Variants in SNX13 observed in about 807,000 individuals in gnomAD.
The protein encoded by SNX13 is sorting nexin 13, also known as sorting nexin-13.
A neutral mutation model predicts 133.6 loss-of-function variants in SNX13; 45 were observed. The ratio of observed to expected loss-of-function variants is 0.34; its 90% confidence interval spans 0.27 to 0.43. The LOEUF is 0.43. Among genes scored for constraint, SNX13 ranks in the 20% least tolerant of loss-of-function variants. SNX13 has a pLI of 1.00. For missense variants in SNX13, 1,032 were observed against 1,145.1 expected, an observed-to-expected ratio of 0.90 and a Z score of 1.43; for synonymous variants, 414 against 373.9, an observed-to-expected ratio of 1.11 and a Z score of -1.24.
At chr7:17,879,974 T>C (rs940581364) in intron 5 of SNX13, 18 of 152,210 alleles carry the variant, frequency 1.2e-4, no homozygotes, top group African/African-American at 3.9e-4. Context: ...GGATGGAGTG[T>C]ATAAAAAACT....
intron 20 of SNX13, among the ~76,000 whole-genome samples, chr7:17,804,071 C>T (rs1048797078): frequency 6.6e-5 from 10 of 151,802 alleles, no homozygotes; most frequent in Non-Finnish European, 1.3e-4. Context: ...TCACAAAAAA[C>T]AAAAGTATTT....
At chr7:17,827,325 C>A (rs1029327776) in intron 16 of SNX13, among the ~76,000 whole-genome samples, 2 of 151,876 alleles carry the variant, frequency 1.3e-5, no homozygotes, top group African/African-American at 4.8e-5. Context: ...TCACACATTT[C>A]ACATATTCAT....
In SNX13 at chr7:17,868,172, ATAG is replaced by A. The variant is rs1793629380; in HGVS notation, c.837+232_837+234del. ...TAAAATATTCTATTTTTTTAAAGAA[ATAG>A]TAGTAGCACCATAACCGCAAGGAAG... is the stretch of plus-strand genomic sequence containing the variant. On this transcript the variant is annotated intron_variant, in intron 9 of 25. Transcript: ENST00000428135. The A allele has an allele frequency of 1.4e-5, 6 of 419,080 alleles. No homozygotes were observed. The South Asian group carries it at 1.9e-4, about 13-fold the overall frequency. The allele number at this position is 419,080 out of a possible 1,614,324, so 26.0% of individuals were successfully genotyped here.
intron 9 of SNX13, among the ~76,000 whole-genome samples, chr7:17,865,985 C>T (rs933143240): frequency 1.3e-5 from 2 of 152,036 alleles, no homozygotes; most frequent in Non-Finnish European, 2.9e-5. Flanking sequence ...ATAGAAAAAC[C>T]AATTTAAAAT....
intron 7 of SNX13, 57 bp downstream of exon 7, chr7:17,875,423 C>T: frequency 7.0e-7 from 1 of 1,422,858 alleles, no homozygotes; most frequent in Non-Finnish European, 9.7e-7. Context: ...TTCACTGGTT[C>T]TGCTAACTTG....
intron 17 of SNX13, among the ~76,000 whole-genome samples, chr7:17,822,808 A>G (rs1016490333): frequency 3.3e-5 from 5 of 152,200 alleles, no homozygotes; most frequent in African/African-American, 1.2e-4. Context: ...GTTCAGAAAT[A>G]ATTTTAATAC....
chr7:17,846,973 A>C (rs567491459), intron 11 of SNX13, among the ~76,000 whole-genome samples: 1 of 151,854 alleles, frequency 6.6e-6, no homozygotes, highest in East Asian at 1.9e-4. Flanking sequence ...ACACTGTATG[A>C]TCTGAGCTCA....
chr7:17,843,601 C>A (rs1191308685), intron 12 of SNX13, among the ~76,000 whole-genome samples: 3 of 151,980 alleles, frequency 2.0e-5, no homozygotes, highest in African/African-American at 4.8e-5. Context: ...GAACACTTCC[C>A]AACAACAGCA....
intron 20 of SNX13, among the ~76,000 whole-genome samples, chr7:17,811,182 T>C (rs537980251): frequency 3.3e-5 from 5 of 152,280 alleles, no homozygotes; most frequent in Admixed American, 1.3e-4. Context: ...AAAGAAAAGA[T>C]ATTCAAATAG....
At chr7:17,885,437 C>A (rs1303787356) in intron 5 of SNX13, among the ~76,000 whole-genome samples, 1 of 152,134 alleles carries the variant, frequency 6.6e-6, no homozygotes, top group Non-Finnish European at 1.5e-5. Flanking sequence ...CTGTACAATG[C>A]TTAACTAAAG....
rs1421720329 is a variant in SNX13 at position 17,794,041 on chromosome 7, A to G, written c.*4T>C. 1.2e-6 allele frequency: 2 copies of G among 1,610,410 alleles called. No homozygotes were observed. The highest frequency in any genetic ancestry group is 1.7e-6 in the Non-Finnish European group (2 of 1,177,730). Reference sequence around the variant, plus strand: ...AATGAACACCAGCTTCATAGAGTGGAGTGTCACCTTTTCTGCAAAGAAGGC... The same window carrying G: ...AATGAACACCAGCTTCATAGAGTGGGGTGTCACCTTTTCTGCAAAGAAGGC... On this transcript the variant is annotated 3_prime_UTR_variant, in exon 26 of 26. Coordinates refer to ENST00000428135, the MANE Select transcript of SNX13 (RefSeq NM_015132.5).
Position 17,845,559 on chromosome 7 carries a change from A to G in SNX13, c.1165+36T>C, listed in dbSNP as rs774959004. ...AATAAAAAATCGAAAAAGAAATTCA[A>G]TGGCTGTATCATTTAAATAGAATTG... On this transcript the variant is annotated intron_variant, in intron 12 of 25. Coordinates refer to ENST00000428135, the MANE Select transcript of SNX13 (RefSeq NM_015132.5). The G allele has an allele frequency of 6.8e-6, 9 of 1,324,996 alleles. No homozygotes were observed. In the African/African-American group the frequency reaches 9.0e-5, roughly 13 times the overall value. The allele number at this position is 1,324,996 out of a possible 1,614,324, so 82.1% of individuals were successfully genotyped here.
At chr7:17,916,368 A>C (rs984574722) in intron 1 of SNX13, among the ~76,000 whole-genome samples, 5 of 152,228 alleles carry the variant, frequency 3.3e-5, no homozygotes, top group African/African-American at 1.2e-4. Flanking sequence ...CAACAAAATC[A>C]AAAGTTGGTT....
chr7:17,846,883 G>A (rs1186994043), intron 11 of SNX13, among the ~76,000 whole-genome samples: 1 of 152,078 alleles, frequency 6.6e-6, no homozygotes, highest in Admixed American at 6.6e-5. Context: ...TGAGGATAAA[G>A]GTTTCTAAGA....
intron 21 of SNX13, 148 bp from the exon 22 acceptor site, chr7:17,801,807 C>A (rs1381302150): frequency 5.7e-6 from 3 of 522,720 alleles, no homozygotes; most frequent in Non-Finnish European, 6.7e-6. Flanking sequence ...AAATTTGGAA[C>A]CAAATATAAA....
intron 5 of SNX13, among the ~76,000 whole-genome samples, chr7:17,876,722 T>A (rs986259204): frequency 1.3e-5 from 2 of 152,154 alleles, no homozygotes; most frequent in Non-Finnish European, 2.9e-5. Context: ...CCTAGTACTC[T>A]ATCTCAAAAG....
chr7:17,888,992 C>A, intron 5 of SNX13: 1 of 217,942 alleles, frequency 4.6e-6, no homozygotes, highest in Non-Finnish European at 9.3e-6. Context: ...TTTCAATAGT[C>A]AGGCACAAGA....
intron 1 of SNX13, among the ~76,000 whole-genome samples, chr7:17,933,976 C>G (rs187549708): frequency 1.6e-4 from 24 of 152,244 alleles, no homozygotes; most frequent in Non-Finnish European, 2.8e-4. Context: ...CAAACTAGTT[C>G]CCCAAAATCC....
chr7:17,835,156 T>C (rs1583414980), intron 13 of SNX13, among the ~76,000 whole-genome samples: 1 of 151,866 alleles, frequency 6.6e-6, no homozygotes, highest in African/African-American at 2.4e-5. Context: ...AAAATGGAGA[T>C]AATACTATAT....
Sources: allele counts gnomAD v4.1 joint callset (sites outside exome capture counted in the v4.1 genomes callset), GRCh38; gene constraint gnomAD v4.1.1; transcripts MANE v1.5; gene names NCBI Gene and HGNC (gene_info 2026-07-23, HGNC 2026-07-21).